CACNA1C: variants seen among roughly 807,000 people sequenced by gnomAD.
CACNA1C encodes the protein calcium voltage-gated channel subunit alpha1 C, also known as voltage-dependent L-type calcium channel subunit alpha-1C.
In CACNA1C, 30 loss-of-function variants were observed where a neutral mutation model predicts 229.0. The ratio of observed to expected loss-of-function variants is 0.13; its 90% confidence interval spans 0.10 to 0.18. The LOEUF (loss-of-function observed/expected upper bound fraction) is 0.18, where lower values mean the gene tolerates loss of function less well. Among genes scored for constraint, CACNA1C ranks in the 10% least tolerant of loss-of-function variants. The pLI, the probability that CACNA1C is intolerant of heterozygous loss-of-function variation, is 1.00. For missense variants in CACNA1C, 1,658 were observed against 2,845.0 expected, an observed-to-expected ratio of 0.58 and a Z score of 9.49; for synonymous variants, 1,114 against 1,132.5, an observed-to-expected ratio of 0.98 and a Z score of 0.33.
chr12:2,226,182 C>T (rs1435405834), intron 3 of CACNA1C, among the ~76,000 whole-genome samples: 1 of 149,964 alleles, frequency 6.7e-6, no homozygotes, highest in African/African-American at 2.5e-5. Flanking sequence ...CAGTTTTCTT[C>T]ATACAGGGGT....
At chr12:2,009,270 T>G in intron 1 of CACNA1C, among the ~76,000 whole-genome samples, 1 of 152,170 alleles carries the variant, frequency 6.6e-6, no homozygotes, top group East Asian at 1.9e-4. Flanking sequence ...GGTCTGGAAT[T>G]TTTATACCAT....
At chr12:2,366,876 G>A (rs2097734587) in intron 3 of CACNA1C, among the ~76,000 whole-genome samples, 1 of 152,184 alleles carries the variant, frequency 6.6e-6, no homozygotes, top group Admixed American at 6.5e-5. Context: ...TCACAGCAAA[G>A]CAGGGGAGAC....
intron 3 of CACNA1C, among the ~76,000 whole-genome samples, chr12:2,349,530 G>A (rs2097146160): frequency 6.6e-6 from 1 of 152,180 alleles, no homozygotes; most frequent in Admixed American, 6.5e-5. Context: ...ATGCAAAGCA[G>A]AGAAGAGCTC....
rs114171514 is a variant in CACNA1C at position 2,557,853 on chromosome 12, T to G, written c.1508+876T>G. Among the ~76,000 whole-genome samples, 330 of 152,268 alleles carry G rather than the reference T, an allele frequency of 2.2e-3. 1 individual carries two copies. The highest frequency in any genetic ancestry group is 7.5e-3 in the African/African-American group (313 of 41,544). ...TGCCTGCATGCCTCCAGGGGTTATT[T>G]CCAGAGCACCCAGCTCAGTGCCTGT... is the stretch of plus-strand genomic sequence containing the variant. On this transcript the variant is annotated intron_variant, in intron 11 of 46. Coordinates refer to ENST00000399655, the MANE Select transcript of CACNA1C (RefSeq NM_000719.7).
At chr12:2,213,732 C>A (rs1238153738) in intron 3 of CACNA1C, among the ~76,000 whole-genome samples, 1 of 152,212 alleles carries the variant, frequency 6.6e-6, no homozygotes, top group Admixed American at 6.5e-5. Context: ...CGGGCCCCGT[C>A]CACAGAGGGA....
At chr12:2,335,270 G>A (rs906490962) in intron 3 of CACNA1C, among the ~76,000 whole-genome samples, 3 of 152,224 alleles carry the variant, frequency 2.0e-5, no homozygotes, top group Middle Eastern at 3.4e-3. Flanking sequence ...TAACTCAGTG[G>A]TCTCTTCCGC....
At chr12:2,197,962 T>C (rs182885400) in intron 3 of CACNA1C, among the ~76,000 whole-genome samples, 1 of 152,350 alleles carries the variant, frequency 6.6e-6, no homozygotes, top group African/African-American at 2.4e-5. Context: ...TTGATTTACA[T>C]GTTCTGGGTT....
rs549661484 is a variant in CACNA1C, at chr12:2,587,180, G to A, written c.2530+1276G>A. ...TTATGGCCAGAGTCTAAATGTTTAC[G>A]AGTTGCTTTGCTTTTAAAATATTCC... On this transcript the variant is annotated intron_variant, in intron 18 of 46. Transcript: ENST00000399655. 3.4e-5 allele frequency among the ~76,000 whole-genome samples: 5 copies of A among 146,784 alleles called. No homozygotes were observed. In the East Asian group the frequency reaches 8.5e-4, roughly 25 times the overall value.
rs758786846 is a variant in CACNA1C at position 2,593,260 on chromosome 12, C to G, written c.2578C>G (p.Arg860Gly). 5 of 1,613,740 alleles carry G rather than the reference C, an allele frequency of 3.1e-6. No individual in the cohort carries two copies. Among genetic ancestry groups the G allele is most frequent in the Non-Finnish European group, 4.2e-6 (5 of 1,179,812 alleles). The stretch of plus-strand genomic sequence containing the variant: ...AGAGATGCCTGTCGGCCCTCGCCCA[C>G]GACCACTCTCTGAGCTTCACCTTAA... ...EPEMPVGPRPRPLSELHLKEK... is the reference protein window; with the variant it reads ...EPEMPVGPRPGPLSELHLKEK... Residue 860 changes from arginine to glycine, a missense_variant, in exon 19 of 47, where the codon CGA (arginine) becomes GGA (glycine). Arg to Gly is a moderately radical substitution (Grantham distance 125, BLOSUM62 -2). Coordinates refer to ENST00000399655, the MANE Select transcript of CACNA1C (RefSeq NM_000719.7).
chr12:2,487,954 T>C (rs1306990244), intron 6 of CACNA1C, among the ~76,000 whole-genome samples: 1 of 152,202 alleles, frequency 6.6e-6, no homozygotes, highest in East Asian at 1.9e-4. Context: ...TGCAGTTGTA[T>C]TGAAATTATC....
chr12:2,677,944 G>A lies in CACNA1C; in HGVS notation c.5091+77G>A. ...AAGAGGTTGGGCTGGGGTTTTGCGG[G>A]GAACGTCCAGGGGAAGGAGCTGCAC... On this transcript the variant is annotated intron_variant, in intron 41 of 46. Coordinates refer to ENST00000399655, the MANE Select transcript of CACNA1C (RefSeq NM_000719.7). The surrounding 1 kb of genome is among the most constrained non-coding windows in gnomAD (Gnocchi z 7.4). The A allele has an allele frequency of 6.5e-7, 1 of 1,532,832 alleles. No individual in the cohort carries two copies. Among genetic ancestry groups the A allele is most frequent in the Non-Finnish European group, 9.0e-7 (1 of 1,114,142 alleles). 95.0% of individuals were successfully genotyped at this position (1,532,832 alleles called of 1,614,324 possible). A position where few individuals can be genotyped will look rare whatever the true frequency, so the allele number is the denominator to read the frequency against.
In CACNA1C at chr12:2,632,452, G is replaced by C. The variant is rs1030701330; in HGVS notation, c.3829-1845G>C. 1.3e-5 allele frequency among the ~76,000 whole-genome samples: 2 copies of C among 152,174 alleles called. No individual in the cohort carries two copies. Among genetic ancestry groups the C allele is most frequent in the African/African-American group, 4.8e-5 (2 of 41,440 alleles). On this transcript the variant is annotated intron_variant, in intron 29 of 46. Transcript: ENST00000399655. The surrounding 1 kb of genome is among the most constrained non-coding windows in gnomAD (Gnocchi z 4.1). ...ATCTGCTAAAGAGTCCACTCATCCA[G>C]GACACCTGGGGTCCTATAGGGCCTC...
At chr12:2,185,276 C>T (rs868805048) in intron 3 of CACNA1C, among the ~76,000 whole-genome samples, 1 of 152,196 alleles carries the variant, frequency 6.6e-6, no homozygotes, top group Non-Finnish European at 1.5e-5. Context: ...GACAGTCCTT[C>T]CTCCAGCCTG....
intron 3 of CACNA1C, among the ~76,000 whole-genome samples, chr12:2,395,221 T>C (rs1237715065): frequency 6.6e-6 from 1 of 151,120 alleles, no homozygotes; most frequent in Non-Finnish European, 1.5e-5. Context: ...TTTTTTTTTT[T>C]TTTTTTTAAA....
intron 3 of CACNA1C, among the ~76,000 whole-genome samples, chr12:2,316,776 G>A (rs1467111508): frequency 6.6e-6 from 1 of 152,228 alleles, no homozygotes; most frequent in African/African-American, 2.4e-5. Context: ...CTGCGTGACT[G>A]TGCGGGTGTG....
At chr12:2,385,734 C>T (rs1020616684) in intron 3 of CACNA1C, among the ~76,000 whole-genome samples, 1 of 152,242 alleles carries the variant, frequency 6.6e-6, no homozygotes, top group African/African-American at 2.4e-5. Flanking sequence ...CCTAGGATAA[C>T]TATAAACTCC....
chr12:2,322,545 ATCT>A (rs1275272628), intron 3 of CACNA1C, among the ~76,000 whole-genome samples: 2 of 152,172 alleles, frequency 1.3e-5, no homozygotes, highest in East Asian at 1.9e-4. Flanking sequence ...GAGAGAAATC[ATCT>A]TCTCCATTTT....
rs1406871877 is a variant in CACNA1C at position 2,602,886 on chromosome 12, C to A, written c.2960+926C>A. ...CATTCTTCTGTGGTCCTCACACACA[C>A]AAAACGATGGGGGAGACGGGGCAAG... On this transcript the variant is annotated intron_variant, in intron 22 of 46. Coordinates refer to ENST00000399655, the MANE Select transcript of CACNA1C (RefSeq NM_000719.7). This position sits in a 1 kb window ranked among gnomAD's most constrained non-coding sequence, Gnocchi z 4.4. Among the ~76,000 whole-genome samples the A allele has an allele frequency of 6.6e-6, 1 of 152,098 alleles. No homozygotes were observed. Among genetic ancestry groups the A allele is most frequent in the Non-Finnish European group, 1.5e-5 (1 of 68,024 alleles).
At chr12:2,444,394 C>T (rs138313113) in intron 3 of CACNA1C, among the ~76,000 whole-genome samples, 115 of 152,206 alleles carry the variant, frequency 7.6e-4, no homozygotes, top group African/African-American at 2.5e-3. Flanking sequence ...GAGATAAATT[C>T]GCATAATGTG....
Sources: allele counts gnomAD v4.1 joint callset (sites outside exome capture counted in the v4.1 genomes callset), GRCh38; gene constraint gnomAD v4.1.1; non-coding constraint Gnocchi (gnomAD v3.1); transcripts MANE v1.5; gene names NCBI Gene and HGNC (gene_info 2026-07-23, HGNC 2026-07-21).